Variants in PTPRN2 observed in about 807,000 individuals in gnomAD.
PTPRN2 encodes the protein receptor-type tyrosine-protein phosphatase N2.
Under a neutral mutation model 118.8 loss-of-function variants are expected in PTPRN2, and 74 were observed. The observed-to-expected ratio is 0.62, with a 90% confidence interval of 0.52 to 0.76. The LOEUF (loss-of-function observed/expected upper bound fraction) is 0.76. Among genes scored for constraint, PTPRN2 ranks in the 30% least tolerant of loss-of-function variants. PTPRN2 has a pLI of 0.00. For synonymous variants in PTPRN2, 641 were observed against 608.0 expected (o/e 1.05, Z -0.80); for missense variants, 1,481 against 1,394.4 (o/e 1.06, Z -0.99).
intron 11 of PTPRN2, among the ~76,000 whole-genome samples, chr7:157,937,914 T>C (rs1290299550): frequency 6.8e-6 from 1 of 146,836 alleles, no homozygotes; most frequent in Admixed American, 6.8e-5. Flanking sequence ...TCTTCGTGAC[T>C]ATGTGACATG....
intron 13 of PTPRN2, among the ~76,000 whole-genome samples, chr7:157,679,956 C>T (rs1308976513): frequency 6.6e-6 from 1 of 152,214 alleles, no homozygotes; most frequent in Admixed American, 6.5e-5. Context: ...CCTCCACGCA[C>T]CCGTCTCCTC....
At chr7:158,365,253 C>G (rs1458624930) in intron 2 of PTPRN2, among the ~76,000 whole-genome samples, 1 of 152,204 alleles carries the variant, frequency 6.6e-6, no homozygotes, top group Non-Finnish European at 1.5e-5. Flanking sequence ...GTTGGACGGT[C>G]CGTGGGAATT....
rs1026112742 is a variant in PTPRN2 at position 157,673,983 on chromosome 7, G to A, written c.2001+8742C>T. ...AATATGGGATTCTACCCTTAGAAGC[G>A]ATAAGCTTTCTGAGAAAACGCCTTC... On this transcript the variant is annotated intron_variant, in intron 13 of 22. Transcript: ENST00000389418. 4.6e-5 allele frequency among the ~76,000 whole-genome samples: 7 copies of A among 152,310 alleles called. No homozygotes were observed. The East Asian group carries it at 5.8e-4, about 13-fold the overall frequency.
chr7:157,732,893 C>T lies in PTPRN2; in HGVS notation c.1789-49956G>A, dbSNP rs868063642. On this transcript the variant is annotated intron_variant, in intron 12 of 22. Transcript: ENST00000389418. ...CATGCGCCCAGCACAGTTACTCTTT[C>T]CCGTCCCATGCGCCCAGCACAGTTA... 3.8e-3 allele frequency among the ~76,000 whole-genome samples: 33 copies of T among 8,764 alleles called. 2 individuals carry two copies. The highest frequency in any genetic ancestry group is 8.3e-3 in the African/African-American group (12 of 1,442). 5.7% of individuals were successfully genotyped at this position (8,764 alleles called of 152,430 possible). A position where few individuals can be genotyped will look rare whatever the true frequency, so the allele number is the denominator to read the frequency against.
intron 11 of PTPRN2, among the ~76,000 whole-genome samples, chr7:158,048,264 C>T (rs1809027514): frequency 6.6e-6 from 1 of 152,104 alleles, no homozygotes; most frequent in African/African-American, 2.4e-5. Flanking sequence ...GCATCAGAAA[C>T]TCTCCTTATC....
At chr7:157,715,019 G>A (rs899559582) in intron 12 of PTPRN2, among the ~76,000 whole-genome samples, 8 of 152,250 alleles carry the variant, frequency 5.3e-5, no homozygotes, top group African/African-American at 9.6e-5. Context: ...TGGATTCTCC[G>A]TCTCCTGCTT....
At chr7:157,803,685 C>T (rs937844141) in intron 12 of PTPRN2, among the ~76,000 whole-genome samples, 1 of 151,992 alleles carries the variant, frequency 6.6e-6, no homozygotes, top group Non-Finnish European at 1.5e-5. Context: ...GAAGAGGCGA[C>T]CCTTCCCTAT....
Position 158,052,685 on chromosome 7 carries a change from C to T in PTPRN2, c.1723+28613G>A, listed in dbSNP as rs376522392. Among the ~76,000 whole-genome samples, 11 of 151,644 alleles carry T rather than the reference C, an allele frequency of 7.3e-5. No individual in the cohort carries two copies. The South Asian group carries it at 1.5e-3, about 20-fold the overall frequency. On this transcript the variant is annotated intron_variant, in intron 11 of 22. Coordinates refer to ENST00000389418, the MANE Select transcript of PTPRN2 (RefSeq NM_002847.5). Reference sequence around the variant, plus strand: ...TGGAGAGGGTAGAGGGGGGCGGCCACTGCTTTGTCTCGTGGGGGCCGTGGA... The same window carrying T: ...TGGAGAGGGTAGAGGGGGGCGGCCATTGCTTTGTCTCGTGGGGGCCGTGGA...
chr7:158,417,386 T>C (rs1015972658), intron 2 of PTPRN2, among the ~76,000 whole-genome samples: 6 of 151,586 alleles, frequency 4.0e-5, no homozygotes, highest in African/African-American at 9.7e-5. Flanking sequence ...CGAGATGCTG[T>C]AGCTTTCAGT....
At chr7:157,912,049 A>G (rs912444563) in intron 11 of PTPRN2, among the ~76,000 whole-genome samples, 5 of 152,208 alleles carry the variant, frequency 3.3e-5, no homozygotes, top group Admixed American at 2.6e-4. Flanking sequence ...TATAGCCATG[A>G]ACCTTCTCAC....
At chr7:158,202,067 C>T (rs554626390) in intron 4 of PTPRN2, among the ~76,000 whole-genome samples, 13 of 152,134 alleles carry the variant, frequency 8.5e-5, no homozygotes, top group South Asian at 2.1e-4. Context: ...GTGGAAATCG[C>T]TATTAAAGGA....
intron 11 of PTPRN2, among the ~76,000 whole-genome samples, chr7:158,032,317 A>G (rs9918708): frequency 0.83 from 126,209 of 152,176 alleles, 52,905 homozygotes; most frequent in Non-Finnish European, 0.9. Context: ...TCTAGGCCAC[A>G]TTAGAGACAG....
intron 11 of PTPRN2, among the ~76,000 whole-genome samples, chr7:158,078,456 A>G (rs1187595948): frequency 1.3e-5 from 2 of 152,258 alleles, no homozygotes; most frequent in Non-Finnish European, 2.9e-5. Context: ...CCATCACCAC[A>G]GGGCGTTTGT....
intron 2 of PTPRN2, among the ~76,000 whole-genome samples, chr7:158,487,427 C>T (rs1821108114): frequency 6.6e-6 from 1 of 152,234 alleles, no homozygotes; most frequent in African/African-American, 2.4e-5. Context: ...CACATTCTCA[C>T]CAACACCGAT....
Position 157,539,491 on chromosome 7 carries a change from T to C in PTPRN2, c.*1223A>G, listed in dbSNP as rs1352534013. The C allele has an allele frequency of 2.6e-5, 4 of 152,178 alleles. No homozygotes were observed. The highest frequency in any genetic ancestry group is 5.9e-5 in the Non-Finnish European group (4 of 68,042). The allele number at this position is 152,178 out of a possible 1,614,324, so 9.4% of individuals were successfully genotyped here. A position where few individuals can be genotyped will look rare whatever the true frequency, so the allele number is the denominator to read the frequency against. ...CATGTGATCATCTTGGTCAATGAAG[T>C]GAATTGTCCTATTTCTGGGGTAGGG... On this transcript the variant is annotated 3_prime_UTR_variant, in exon 23 of 23. Transcript: ENST00000389418.
At chr7:157,663,594 C>T (rs750960348) in intron 13 of PTPRN2, among the ~76,000 whole-genome samples, 6 of 152,200 alleles carry the variant, frequency 3.9e-5, no homozygotes, top group Non-Finnish European at 5.9e-5. Context: ...TGCTGTGTGG[C>T]CCCTTTCTGG....
At chr7:158,314,568 G>A (rs1802132253) in intron 3 of PTPRN2, among the ~76,000 whole-genome samples, 1 of 152,262 alleles carries the variant, frequency 6.6e-6, no homozygotes. Context: ...GCAGGAGCTG[G>A]GCCCAAGCCG....
chr7:157,800,041 C>A lies in PTPRN2; in HGVS notation c.1788+98632G>T, dbSNP rs28420604. The stretch of plus-strand genomic sequence containing the variant: ...GGCAGCCTCCTCTGTCCCTCAGAGG[C>A]ACCACAGCCGGCCTCCCCCATCCCT... On this transcript the variant is annotated intron_variant, in intron 12 of 22. Transcript: ENST00000389418. Among the ~76,000 whole-genome samples the A allele has an allele frequency of 4.3e-3, 656 of 151,324 alleles. 5 individuals are homozygous for A. The highest frequency in any genetic ancestry group is 0.015 in the African/African-American group (623 of 41,142).
At chr7:157,875,424 C>A (rs536553683) in intron 12 of PTPRN2, among the ~76,000 whole-genome samples, 3 of 152,146 alleles carry the variant, frequency 2.0e-5, no homozygotes, top group Admixed American at 2.0e-4. Flanking sequence ...CCGGGTCACA[C>A]GTTATCTTCC....
Sources: allele counts gnomAD v4.1 joint callset (sites outside exome capture counted in the v4.1 genomes callset), GRCh38; gene constraint gnomAD v4.1.1; transcripts MANE v1.5; gene names NCBI Gene and HGNC (gene_info 2026-07-23, HGNC 2026-07-21).